Variants in AMMECR1 observed in about 807,000 individuals in gnomAD.
The protein encoded by AMMECR1 is AMMECR nuclear protein 1.
A neutral mutation model predicts 22.5 loss-of-function variants in AMMECR1; 3 were observed. That is an observed-to-expected ratio of 0.13 (90% CI 0.06 to 0.35). The LOEUF (loss-of-function observed/expected upper bound fraction) is 0.35. Among genes scored for constraint, AMMECR1 ranks in the 10% least tolerant of loss-of-function variants. AMMECR1 has a pLI of 1.00. For synonymous variants in AMMECR1, 130 were observed against 116.7 expected (o/e 1.11, Z -0.74); for missense variants, 235 against 278.7 (o/e 0.84, Z 1.12).
intron 1 of AMMECR1, among the ~76,000 whole-genome samples, chrX:110,297,232 T>A (rs1432896151): frequency 3.6e-5 from 4 of 112,260 alleles, no homozygotes; most frequent in East Asian, 5.5e-4. Context: ...CAATTCTGCC[T>A]TAGCCTTCAC....
At chrX:110,241,355 A>G (rs1480358486) in intron 2 of AMMECR1, among the ~76,000 whole-genome samples, 1 of 112,055 alleles carries the variant, frequency 8.9e-6, no homozygotes, top group East Asian at 2.8e-4. Context: ...ATAAAGAAGA[A>G]AAGAGAGAAG....
chrX:110,250,100 AC>A (rs1397703465), intron 2 of AMMECR1, among the ~76,000 whole-genome samples: 2 of 112,553 alleles, frequency 1.8e-5, no homozygotes, highest in Non-Finnish European at 3.8e-5. Flanking sequence ...TCTTTACATT[AC>A]AAAATGATCA....
intron 2 of AMMECR1, 35 bp downstream of exon 2, chrX:110,264,452 TAA>T (rs753023300): frequency 1.2e-6 from 1 of 817,475 alleles, no homozygotes; most frequent in Admixed American, 3.0e-5. Flanking sequence ...TTTTTTTTTT[TAA>T]TGTAAAAGCA....
chrX:110,334,666 C>T (rs2068134022), intron 2 of AMMECR1, among the ~76,000 whole-genome samples: 1 of 112,097 alleles, frequency 8.9e-6, no homozygotes, highest in Non-Finnish European at 1.9e-5. Context: ...TGTGTTTAAT[C>T]GCTTTCAAAT....
intron 2 of AMMECR1, among the ~76,000 whole-genome samples, chrX:110,393,593 T>C (rs2068509190): frequency 8.9e-6 from 1 of 111,943 alleles, no homozygotes; most frequent in Non-Finnish European, 1.9e-5. Context: ...CCTCTAAAAG[T>C]TTCTTCTTCT....
At chrX:110,356,911 C>A (rs1165176077) in intron 2 of AMMECR1, among the ~76,000 whole-genome samples, 1 of 111,323 alleles carries the variant, frequency 9.0e-6, no homozygotes, top group Non-Finnish European at 1.9e-5. Context: ...AGTCTGTGTA[C>A]CTAACTACTA....
At chrX:110,218,447 G>T (rs1485313337) in intron 2 of AMMECR1, among the ~76,000 whole-genome samples, 1 of 110,145 alleles carries the variant, frequency 9.1e-6, no homozygotes, top group Non-Finnish European at 1.9e-5. Context: ...AAATATATTT[G>T]TTGGGTATCT....
intron 2 of AMMECR1, chrX:110,419,149 T>C (rs1231485937): frequency 8.9e-6 from 1 of 112,242 alleles, no homozygotes; most frequent in East Asian, 2.8e-4. Flanking sequence ...AGTCCATTCA[T>C]CTCTCTGGGC....
At chrX:110,415,401 T>A (rs1262864462) in intron 2 of AMMECR1, among the ~76,000 whole-genome samples, 1 of 112,118 alleles carries the variant, frequency 8.9e-6, no homozygotes, top group African/African-American at 3.2e-5. Context: ...AGAGTTGTGT[T>A]AGAGTGGTGA....
At chrX:110,348,668 A>C (rs920622515) in intron 2 of AMMECR1, among the ~76,000 whole-genome samples, 1 of 112,517 alleles carries the variant, frequency 8.9e-6, no homozygotes, top group Non-Finnish European at 1.9e-5. Flanking sequence ...GATATCAAAA[A>C]TATACTGTCG....
At chrX:110,269,455 C>T (rs986151826) in intron 1 of AMMECR1, among the ~76,000 whole-genome samples, 1 of 107,171 alleles carries the variant, frequency 9.3e-6, no homozygotes, top group African/African-American at 3.4e-5. Context: ...AACAAAATTA[C>T]ATCAATCTCT....
chrX:110,297,593 C>A (rs886626351), intron 1 of AMMECR1, among the ~76,000 whole-genome samples: 1 of 110,355 alleles, frequency 9.1e-6, no homozygotes, highest in African/African-American at 3.3e-5. Flanking sequence ...TTTTTTTAAC[C>A]GAAAATCAGC....
chrX:110,377,663 C>A (rs749553081), intron 2 of AMMECR1, among the ~76,000 whole-genome samples: 126 of 111,569 alleles, frequency 1.1e-3, no homozygotes, highest in Non-Finnish European at 2.1e-3. Context: ...GCTATCATAA[C>A]TTCTGTTTTC....
intron 2 of AMMECR1, among the ~76,000 whole-genome samples, chrX:110,383,841 C>T (rs1263598199): frequency 9.0e-6 from 1 of 111,718 alleles, no homozygotes; most frequent in Non-Finnish European, 1.9e-5. Context: ...AACAATATAA[C>T]AACTAAAGGG....
rs779309619 is a variant in AMMECR1, at chrX:110,385,175, C to T, written c.-148+41483G>A. ...CAGGCAAATCACTTAACGTTTGCAT[C>T]CTTTCATTTCTCCATCTATCAAATA... On this transcript the variant is annotated intron_variant, in intron 2 of 7. Coordinates refer to the AMMECR1 transcript ENST00000372057. Among the ~76,000 whole-genome samples the T allele has an allele frequency of 3.6e-5, 4 of 111,389 alleles. No homozygotes were observed. In the South Asian group the frequency reaches 1.5e-3, roughly 43 times the overall value.
At chrX:110,297,422 A>G (rs1342035429) in intron 1 of AMMECR1, among the ~76,000 whole-genome samples, 2 of 111,723 alleles carry the variant, frequency 1.8e-5, no homozygotes, top group African/African-American at 6.5e-5. Flanking sequence ...GTCAATAGTG[A>G]CAATTATCTG....
At chrX:110,269,537 GA>G (rs1378337406) in intron 1 of AMMECR1, among the ~76,000 whole-genome samples, 1 of 106,209 alleles carries the variant, frequency 9.4e-6, no homozygotes, top group African/African-American at 3.4e-5. Flanking sequence ...TGGGGGGGGG[GA>G]TACAGGAAAA....
chrX:110,368,158 T>A (rs756556279), intron 2 of AMMECR1, among the ~76,000 whole-genome samples: 26 of 110,034 alleles, frequency 2.4e-4, no homozygotes, highest in Non-Finnish European at 2.1e-4. Context: ...ATATTTAGAA[T>A]CTGAACACTT....
At chrX:110,364,032 A>G (rs1425139281) in intron 2 of AMMECR1, among the ~76,000 whole-genome samples, 1 of 111,808 alleles carries the variant, frequency 8.9e-6, no homozygotes, top group Non-Finnish European at 1.9e-5. Flanking sequence ...AGATATTTAT[A>G]CTTTCACAGT....
Sources: gnomAD v4.1 joint callset for allele counts (sites outside exome capture counted in the v4.1 genomes callset) on GRCh38, gnomAD v4.1.1 for gene constraint, MANE v1.5 for transcripts, NCBI Gene and HGNC (gene_info 2026-07-23, HGNC 2026-07-21) for gene names.